Variants in NRG1 observed in about 807,000 individuals in gnomAD.
NRG1 encodes the protein pro-neuregulin-1, membrane-bound isoform.
A neutral mutation model predicts 63.8 loss-of-function variants in NRG1; 18 were observed. The observed-to-expected ratio is 0.28, with a 90% confidence interval of 0.19 to 0.42. NRG1 has a LOEUF of 0.42. Ranked by LOEUF, NRG1 falls within the 10% of genes least tolerant of loss-of-function variation. NRG1 has a pLI of 1.00. For synonymous variants in NRG1, 302 were observed against 301.3 expected, an observed-to-expected ratio of 1.00 and a Z score of -0.02; for missense variants, 762 against 814.7, an observed-to-expected ratio of 0.94 and a Z score of 0.79.
At chr8:31,892,791 C>T (rs534533248) in intron 1 of NRG1, among the ~76,000 whole-genome samples, 4 of 151,974 alleles carry the variant, frequency 2.6e-5, no homozygotes, top group South Asian at 4.2e-4. Context: ...ACACAAGGCA[C>T]GTGAAGGATA....
At chr8:32,115,635 G>T (rs914275081) in intron 1 of NRG1, among the ~76,000 whole-genome samples, 1 of 152,072 alleles carries the variant, frequency 6.6e-6, no homozygotes, top group African/African-American at 2.4e-5. Context: ...GTGGACCCAC[G>T]CAGTTCAAAC....
chr8:32,440,080 G>A (rs1480367349), intron 1 of NRG1, among the ~76,000 whole-genome samples: 3 of 152,098 alleles, frequency 2.0e-5, no homozygotes, highest in African/African-American at 7.2e-5. Context: ...AGACAAACAG[G>A]ATGCAAAACA....
At chr8:31,909,346 ATC>A (rs1563553363) in intron 1 of NRG1, among the ~76,000 whole-genome samples, 46 of 152,254 alleles carry the variant, frequency 3.0e-4, no homozygotes, top group African/African-American at 1.1e-3. Context: ...GACACTGAGC[ATC>A]AGGGACATTC....
At chr8:32,414,321 A>G (rs1422469381) in intron 1 of NRG1, among the ~76,000 whole-genome samples, 1 of 152,222 alleles carries the variant, frequency 6.6e-6, no homozygotes, top group African/African-American at 2.4e-5. Flanking sequence ...AGCTGACTCA[A>G]CTGGTTTCTA....
chr8:31,882,350 A>T (rs1184762293), intron 1 of NRG1, among the ~76,000 whole-genome samples: 1 of 151,654 alleles, frequency 6.6e-6, no homozygotes, highest in Non-Finnish European at 1.5e-5. Context: ...AAAAAAAAAA[A>T]AAAAATACTC....
At chr8:31,951,357 A>G (rs1167027074) in intron 1 of NRG1, among the ~76,000 whole-genome samples, 1 of 152,166 alleles carries the variant, frequency 6.6e-6, no homozygotes, top group Non-Finnish European at 1.5e-5. Flanking sequence ...GCATTGACAA[A>G]TGGAGGCAGA....
chr8:31,878,348 CA>C (rs1345398003), intron 1 of NRG1, among the ~76,000 whole-genome samples: 1 of 151,882 alleles, frequency 6.6e-6, no homozygotes, highest in East Asian at 1.9e-4. Flanking sequence ...CTATAAATTT[CA>C]AATCATAGAT....
intron 1 of NRG1, among the ~76,000 whole-genome samples, chr8:32,174,253 C>T (rs919175661): frequency 1.3e-5 from 2 of 151,372 alleles, no homozygotes; most frequent in African/African-American, 2.4e-5. Context: ...GGGTACATAA[C>T]AAAATGAAAT....
At chr8:32,746,331 T>C (rs1369038130) in intron 7 of NRG1, among the ~76,000 whole-genome samples, 1 of 152,166 alleles carries the variant, frequency 6.6e-6, no homozygotes, top group African/African-American at 2.4e-5. Flanking sequence ...CCTTTCGAAA[T>C]CTCAGCGGTA....
At chr8:32,340,214 AAAAT>A (rs1470138777) in intron 1 of NRG1, among the ~76,000 whole-genome samples, 2 of 152,236 alleles carry the variant, frequency 1.3e-5, no homozygotes, top group Admixed American at 6.5e-5. Context: ...TAAAAAATAA[AAAAT>A]AAAACAATAT....
chr8:32,506,221 C>T (rs1453424511), intron 1 of NRG1, among the ~76,000 whole-genome samples: 1 of 152,154 alleles, frequency 6.6e-6, no homozygotes, highest in Non-Finnish European at 1.5e-5. Flanking sequence ...GCGCTCCAGC[C>T]TGGGCAAGAC....
At chr8:32,533,412 A>C (rs1008925295) in intron 1 of NRG1, among the ~76,000 whole-genome samples, 4 of 152,118 alleles carry the variant, frequency 2.6e-5, no homozygotes, top group African/African-American at 9.6e-5. Context: ...CTGCATGGGC[A>C]ACTACTTAAA....
chr8:32,524,646 T>C (rs751118906), intron 1 of NRG1, among the ~76,000 whole-genome samples: 2 of 152,176 alleles, frequency 1.3e-5, no homozygotes, highest in Non-Finnish European at 2.9e-5. Context: ...CCAGCAATTC[T>C]TCTGGTTAAC....
At chr8:32,143,242 T>G (rs940737450) in intron 1 of NRG1, among the ~76,000 whole-genome samples, 41 of 151,470 alleles carry the variant, frequency 2.7e-4, no homozygotes, top group African/African-American at 9.0e-4. Context: ...GGCTTTTTTT[T>G]TGGGGGGGGA....
At chr8:31,717,905 A>AGATT (rs1563324321) in intron 1 of NRG1, among the ~76,000 whole-genome samples, 1 of 152,242 alleles carries the variant, frequency 6.6e-6, no homozygotes, top group Non-Finnish European at 1.5e-5. Context: ...CTCTGGAAAC[A>AGATT]GATTGCCATG....
At chr8:31,877,331 A>G (rs1040129952) in intron 1 of NRG1, among the ~76,000 whole-genome samples, 2 of 152,154 alleles carry the variant, frequency 1.3e-5, no homozygotes, top group Admixed American at 6.5e-5. Flanking sequence ...ATGAGCTGGT[A>G]TATAATCACA....
chr8:31,825,382 C>T (rs1824446590), intron 1 of NRG1, among the ~76,000 whole-genome samples: 1 of 148,000 alleles, frequency 6.8e-6, no homozygotes, highest in Non-Finnish European at 1.5e-5. Context: ...AGGGAGACTC[C>T]ATCTCAAAAA....
chr8:32,656,305 C>T (rs1259672847), intron 5 of NRG1, among the ~76,000 whole-genome samples: 4 of 151,914 alleles, frequency 2.6e-5, no homozygotes, highest in East Asian at 1.9e-4. Context: ...CTATGCCTAA[C>T]TGCTAGAGTA....
intron 7 of NRG1, among the ~76,000 whole-genome samples, chr8:32,748,050 G>T (rs1054347154): frequency 2.6e-5 from 4 of 151,882 alleles, no homozygotes; most frequent in Non-Finnish European, 4.4e-5. Flanking sequence ...AAGTTCCACG[G>T]CAGAGGCAGG....
Sources: gnomAD v4.1 joint callset for allele counts (sites outside exome capture counted in the v4.1 genomes callset) on GRCh38, gnomAD v4.1.1 for gene constraint, MANE v1.5 for transcripts, NCBI Gene and HGNC (gene_info 2026-07-23, HGNC 2026-07-21) for gene names.